POP1: variants seen among roughly 807,000 people sequenced by gnomAD.
The protein encoded by POP1 is ribonucleases P/MRP protein subunit POP1.
A neutral mutation model predicts 102.2 loss-of-function variants in POP1; 75 were observed. The observed-to-expected ratio is 0.73, with a 90% CI of 0.61 to 0.89. POP1 has a LOEUF of 0.89. POP1 is among the 40% of genes least tolerant of loss of function. POP1 has a pLI of 0.00. For synonymous variants in POP1, 436 were observed against 464.1 expected (o/e 0.94, Z 0.78); for missense variants, 1,116 against 1,267.4 (o/e 0.88, Z 1.81).
At position 98,146,554 on chromosome 8, in the gene POP1, C is replaced by T; in HGVS notation, c.1595-14C>T. 1 of 1,591,080 alleles carries T rather than the reference C, an allele frequency of 6.3e-7. No homozygotes were observed. Among genetic ancestry groups the T allele is most frequent in the African/African-American group, 1.3e-5 (1 of 74,530 alleles). On this transcript the variant is annotated splice_polypyrimidine_tract_variant and intron_variant, in intron 11 of 15. Transcript: ENST00000401707. ...GAAGGATGTGGTTTGAAGGCTATTTCTTTTCCCTCTTAGATAATGAGAAAG... is the reference window on the plus strand; with the variant it reads ...GAAGGATGTGGTTTGAAGGCTATTTTTTTTCCCTCTTAGATAATGAGAAAG...
At chr8:98,144,031 C>G (rs949761832) in intron 11 of POP1, among the ~76,000 whole-genome samples, 3 of 151,724 alleles carry the variant, frequency 2.0e-5, no homozygotes, top group African/African-American at 7.3e-5. Flanking sequence ...TGGTGGGTGC[C>G]TATAATCCCA....
At chr8:98,137,243 TA>T (rs1243894791) in intron 9 of POP1, among the ~76,000 whole-genome samples, 1 of 152,142 alleles carries the variant, frequency 6.6e-6, no homozygotes, top group Non-Finnish European at 1.5e-5. Flanking sequence ...AGGGAGTCTC[TA>T]AAATCCCTGA....
intron 1 of POP1, among the ~76,000 whole-genome samples, chr8:98,121,326 G>A (rs1254812271): frequency 2.0e-5 from 3 of 152,128 alleles, no homozygotes; most frequent in African/African-American, 7.2e-5. Flanking sequence ...GGCTCTCAGT[G>A]GAAGTGGGCA....
At position 98,136,598 on chromosome 8, in the gene POP1, T is replaced by C; in HGVS notation, c.1128T>C (p.Pro376=). 1 of 1,613,940 alleles carries C rather than the reference T, an allele frequency of 6.2e-7. No homozygotes were observed. Among genetic ancestry groups the C allele is most frequent in the Non-Finnish European group, 8.5e-7 (1 of 1,180,018 alleles). Residue 376 remains proline, a synonymous_variant, in exon 8 of 16, where the codon CCT becomes CCC. Coordinates refer to ENST00000401707, the MANE Select transcript of POP1 (RefSeq NM_001145860.2). The part of the protein sequence containing the change: ...PSQEKSQTEL[P]DEKIGKKRKR... ...AAGAAAAAAGCCAAACTGAATTGCCTGACGAGAAAATTGGCAAGAAAAGAA... is the reference window on the plus strand; with the variant it reads ...AAGAAAAAAGCCAAACTGAATTGCCCGACGAGAAAATTGGCAAGAAAAGAA...
rs1816276556 is a variant in POP1 at position 98,128,468 on chromosome 8, C to T, written c.414C>T (p.His138=). ...TGGTTTTTCAGACTCTGCCACGGCA[C>T]ATGCGACGAAGAGCCATGAGCCACA... ...NSLVFQTLPR[H]MRRRAMSHNV... Residue 138 remains histidine (H), a synonymous_variant, in exon 4 of 16, where the codon CAC becomes CAT. Coordinates refer to ENST00000401707, the MANE Select transcript of POP1 (RefSeq NM_001145860.2). 5.6e-6 allele frequency: 9 copies of T among 1,614,032 alleles called. No homozygotes were observed. The highest frequency in any genetic ancestry group is 5.9e-6 in the Non-Finnish European group (7 of 1,179,932).
chr8:98,144,957 A>G (rs1459570089), intron 11 of POP1, among the ~76,000 whole-genome samples: 3 of 152,046 alleles, frequency 2.0e-5, no homozygotes, highest in Middle Eastern at 3.4e-3. Context: ...GCGCGATCTC[A>G]GCTCACTGCA....
At chr8:98,152,042 C>A (rs371435275) in intron 14 of POP1, among the ~76,000 whole-genome samples, 1 of 152,056 alleles carries the variant, frequency 6.6e-6, no homozygotes, top group African/African-American at 2.4e-5. Flanking sequence ...CCTGTGCCTG[C>A]GTTTCAAACT....
rs756634206 is a variant in POP1 at position 98,157,970 on chromosome 8, G to T, written c.2774G>T (p.Arg925Leu). 1 of 1,613,562 alleles carries T rather than the reference G, an allele frequency of 6.2e-7. No individual in the cohort carries two copies. The highest frequency in any genetic ancestry group is 1.7e-5 in the Admixed American group (1 of 60,036). ...AGGGAGAAGAGGCAGAAGCCAGGACGTGCCTCTTCTGATGGCCCGGCGGGG... is the reference window on the plus strand; with the variant it reads ...AGGGAGAAGAGGCAGAAGCCAGGACTTGCCTCTTCTGATGGCCCGGCGGGG... ...KKREKRQKPG[R>L]ASSDGPAGEE... The change falls in exon 16 of 16, where the codon CGT becomes CTT. Residue 925 changes from arginine (R) to leucine (L), a missense_variant. Coordinates refer to ENST00000401707, the MANE Select transcript of POP1 (RefSeq NM_001145860.2).
At position 98,148,816 on chromosome 8, in the gene POP1, A is replaced by T; in HGVS notation, c.1712A>T (p.Asp571Val). The part of the protein sequence containing the change: ...SVTENKISDQ[D>V]LNRMRSELLV... ...TTGAATTATTTTCTTCCACTTTAGGATTTAAACCGGATGAGGAGTGAATTG... is the reference window on the plus strand; with the variant it reads ...TTGAATTATTTTCTTCCACTTTAGGTTTTAAACCGGATGAGGAGTGAATTG... The change falls in exon 13 of 16, where the codon GAT becomes GTT. Residue 571 changes from aspartate to valine, a missense_variant and splice_region_variant. Physicochemically the swap from Asp to Val is radical, Grantham distance 152. Transcript: ENST00000401707. 6.2e-7 allele frequency: 1 copy of T among 1,611,382 alleles called. No homozygotes were observed. The highest frequency in any genetic ancestry group is 8.5e-7 in the Non-Finnish European group (1 of 1,178,314).
rs1816852347 is a variant in POP1, at chr8:98,146,671, A to C, written c.1698A>C (p.Lys566Asn). The change falls in exon 12 of 16, where the codon AAA becomes AAC. Residue 566 changes from lysine (K) to asparagine (N), a missense_variant. Physicochemically the swap from Lys to Asn is moderately conservative, Grantham distance 94 (BLOSUM62 0). Coordinates refer to ENST00000401707, the MANE Select transcript of POP1 (RefSeq NM_001145860.2). ...QDICKSVTEN[K>N]ISDQDLNRMR... ...TCTGTAAGAGTGTCACAGAGAATAAAATCTCGGATCAGGTAACTAATAGTG... is the reference window on the plus strand; with the variant it reads ...TCTGTAAGAGTGTCACAGAGAATAACATCTCGGATCAGGTAACTAATAGTG... The C allele has an allele frequency of 2.5e-6, 4 of 1,609,272 alleles. No individual in the cohort carries two copies. Among genetic ancestry groups the C allele is most frequent in the Non-Finnish European group, 3.4e-6 (4 of 1,175,638 alleles).
chr8:98,129,804 C>G (rs551645650), intron 4 of POP1, among the ~76,000 whole-genome samples, 174 bp from the exon 5 acceptor site: 1 of 152,304 alleles, frequency 6.6e-6, no homozygotes, highest in East Asian at 1.9e-4. Flanking sequence ...TTCACTCTTT[C>G]CATTGTCTTC....
In POP1 at chr8:98,159,108, T is replaced by G. The variant is rs1232523901; in HGVS notation, c.*837T>G. ...CTCTAGGTTAAATAAAGTTAAGCAT[T>G]TCTTTATGAAAGAACTTCTGGAAAC... On this transcript the variant is annotated 3_prime_UTR_variant, in exon 16 of 16. Transcript: ENST00000401707. 3.3e-5 allele frequency: 5 copies of G among 152,222 alleles called. No individual in the cohort carries two copies. The highest frequency in any genetic ancestry group is 1.2e-4 in the African/African-American group (5 of 41,466). The allele number at this position is 152,222 out of a possible 1,614,324, so 9.4% of individuals were successfully genotyped here.
intron 5 of POP1, among the ~76,000 whole-genome samples, chr8:98,132,904 T>G (rs1339774317): frequency 1.7e-5 from 1 of 58,060 alleles, no homozygotes; most frequent in African/African-American, 9.1e-5. Context: ...ACTCTGTCTC[T>G]GCAAAAAAAA....
At chr8:98,129,770 C>G (rs904777140) in intron 4 of POP1, among the ~76,000 whole-genome samples, 1 of 152,170 alleles carries the variant, frequency 6.6e-6, no homozygotes, top group African/African-American at 2.4e-5. Context: ...GTGCCTCCTT[C>G]CTAGGTCTCC....
At position 98,128,559 on chromosome 8, in the gene POP1, G is replaced by A; in HGVS notation, c.486+19G>A. On this transcript the variant is annotated intron_variant, in intron 4 of 15. Transcript: ENST00000401707. Reference sequence around the variant, plus strand: ...GAAAGAGGTAGGAGTTCCACTTAGTGTAAATGTTTAGATTAGTAGCTCCTA... The same window carrying A: ...GAAAGAGGTAGGAGTTCCACTTAGTATAAATGTTTAGATTAGTAGCTCCTA... The A allele has an allele frequency of 6.2e-7, 1 of 1,612,554 alleles. No individual in the cohort carries two copies. The highest frequency in any genetic ancestry group is 1.1e-5 in the South Asian group (1 of 91,024).
chr8:98,118,817 T>A (rs1207935959), intron 1 of POP1, among the ~76,000 whole-genome samples: 1 of 151,930 alleles, frequency 6.6e-6, no homozygotes, highest in Admixed American at 6.6e-5. Context: ...CTAATTGTTA[T>A]GTGTTTCAAG....
intron 1 of POP1, 105 bp from the exon 2 acceptor site, chr8:98,123,231 C>A: frequency 7.4e-7 from 1 of 1,350,110 alleles, no homozygotes; most frequent in South Asian, 1.3e-5. Context: ...TCTCTTCCAT[C>A]AATAGACTTA....
At chr8:98,124,567 A>G (rs1277564627) in intron 2 of POP1, among the ~76,000 whole-genome samples, 1 of 146,226 alleles carries the variant, frequency 6.8e-6, no homozygotes, top group African/African-American at 2.5e-5. Flanking sequence ...AAAAAAAAGG[A>G]AAAAAAAAAA....
intron 3 of POP1, 77 bp downstream of exon 3, chr8:98,127,839 TGTG>T (rs1816255680): frequency 1.3e-6 from 2 of 1,493,184 alleles, no homozygotes; most frequent in Non-Finnish European, 1.9e-6. Context: ...CTGCCCTCCT[TGTG>T]GTCCTGGCTC....
Sources: gnomAD v4.1 joint callset for allele counts (sites outside exome capture counted in the v4.1 genomes callset) on GRCh38, gnomAD v4.1.1 for gene constraint, MANE v1.5 for transcripts, NCBI Gene and HGNC (gene_info 2026-07-23, HGNC 2026-07-21) for gene names.